ACCSL: variants seen among roughly 807,000 people sequenced by gnomAD.
The protein encoded by ACCSL is probable inactive 1-aminocyclopropane-1-carboxylate synthase-like protein 2.
A neutral mutation model predicts 61.7 loss-of-function variants in ACCSL; 55 were observed. That is an observed-to-expected ratio of 0.89 (90% CI 0.72 to 1.12). The LOEUF (loss-of-function observed/expected upper bound fraction) is 1.12. ACCSL is among the 50% of genes most tolerant of loss of function. The pLI is 0.00. For synonymous variants in ACCSL, 258 were observed against 264.3 expected, an observed-to-expected ratio of 0.98 and a Z score of 0.23; for missense variants, 632 against 698.0, an observed-to-expected ratio of 0.91 and a Z score of 1.07.
chr11:44,017,466 CT>C, the ACCSL span, among the ~76,000 whole-genome samples: 1 of 152,214 alleles, frequency 6.6e-6, no homozygotes, highest in African/African-American at 2.4e-5. Flanking sequence ...GGAATGATGT[CT>C]GCCAGGTCTG....
chr11:44,037,987 A>T, the ACCSL span, among the ~76,000 whole-genome samples: 1 of 152,190 alleles, frequency 6.6e-6, no homozygotes, highest in African/African-American at 2.4e-5. Context: ...CGTTTGAGAA[A>T]TATCAGTAAA....
chr11:43,981,122 C>T, the ACCSL span, among the ~76,000 whole-genome samples: 3 of 127,994 alleles, frequency 2.3e-5, no homozygotes, highest in Admixed American at 7.8e-5. Flanking sequence ...CAAACAAAAA[C>T]CAGTACAGAT....
the ACCSL span, among the ~76,000 whole-genome samples, chr11:44,038,391 G>T: frequency 6.6e-6 from 1 of 152,308 alleles, no homozygotes; most frequent in African/African-American, 2.4e-5. Context: ...CATAGGCATG[G>T]GTCCCTTTAT....
chr11:44,021,742 T>G, the ACCSL span, among the ~76,000 whole-genome samples: 25 of 152,240 alleles, frequency 1.6e-4, no homozygotes, highest in African/African-American at 2.4e-5. Context: ...AGAATTTTTA[T>G]GGTTTCAGGT....
At chr11:43,923,182 C>T in the ACCSL span, among the ~76,000 whole-genome samples, 133 of 152,242 alleles carry the variant, frequency 8.7e-4, no homozygotes, top group Non-Finnish European at 1.6e-3. Flanking sequence ...GTTAAGTAGG[C>T]CCTGCAGTGC....
the ACCSL span, among the ~76,000 whole-genome samples, chr11:44,015,712 T>G: frequency 6.6e-6 from 1 of 152,314 alleles, no homozygotes; most frequent in Non-Finnish European, 1.5e-5. Context: ...ACATTGGAGC[T>G]AATTCCCAGC....
At chr11:44,028,633 C>T in the ACCSL span, among the ~76,000 whole-genome samples, 197 of 152,260 alleles carry the variant, frequency 1.3e-3, 2 homozygotes, top group African/African-American at 4.5e-3. Context: ...ACAGGGAGCC[C>T]TTACCCAGGG....
At chr11:43,926,589 A>G in the ACCSL span, 2 of 409,354 alleles carry the variant, frequency 4.9e-6, no homozygotes, top group East Asian at 1.5e-4. Flanking sequence ...CTTCCATTAC[A>G]GATAGAAGTA....
chr11:43,969,196 A>G, the ACCSL span, among the ~76,000 whole-genome samples: 2 of 152,004 alleles, frequency 1.3e-5, no homozygotes, highest in Non-Finnish European at 2.9e-5. Context: ...CAAAAAAACA[A>G]AAACAAAAAC....
the ACCSL span, among the ~76,000 whole-genome samples, chr11:44,009,251 G>A: frequency 2.0e-5 from 3 of 152,110 alleles, no homozygotes; most frequent in East Asian, 3.9e-4. Context: ...GAGCGATTGC[G>A]GTATCAGGGT....
chr11:43,931,570 C>T, the ACCSL span, among the ~76,000 whole-genome samples: 1 of 152,316 alleles, frequency 6.6e-6, no homozygotes, highest in African/African-American at 2.4e-5. Context: ...TTCTGCCTGG[C>T]TGTGTGGCCT....
the ACCSL span, among the ~76,000 whole-genome samples, chr11:43,983,902 G>T: frequency 6.6e-6 from 1 of 152,092 alleles, no homozygotes; most frequent in African/African-American, 2.4e-5. Context: ...GATCACTTGA[G>T]GTCAGGAGTT....
chr11:43,975,117 C>T, the ACCSL span, among the ~76,000 whole-genome samples: 1 of 152,022 alleles, frequency 6.6e-6, no homozygotes, highest in Non-Finnish European at 1.5e-5. Context: ...GTGTTAGTGA[C>T]AATCTAAATG....
the ACCSL span, among the ~76,000 whole-genome samples, chr11:43,968,434 G>T: frequency 6.8e-6 from 1 of 147,904 alleles, no homozygotes; most frequent in Admixed American, 6.9e-5. Flanking sequence ...CTTTGCTTTT[G>T]CCCGTCTTTA....
At chr11:44,054,207 A>G (rs1479434112) in intron 8 of ACCSL, among the ~76,000 whole-genome samples, 1 of 152,216 alleles carries the variant, frequency 6.6e-6, no homozygotes. Flanking sequence ...AGAACTTCAC[A>G]TTCCTTTCTA....
the ACCSL span, among the ~76,000 whole-genome samples, chr11:43,926,003 T>G: frequency 1.3e-5 from 2 of 152,212 alleles, no homozygotes; most frequent in African/African-American, 4.8e-5. Flanking sequence ...CGGATGGCCC[T>G]GTGACCCTGC....
At chr11:43,959,556 G>C in the ACCSL span, among the ~76,000 whole-genome samples, 155 of 152,340 alleles carry the variant, frequency 1.0e-3, 4 homozygotes, top group South Asian at 0.03. Context: ...GGGATGGGGA[G>C]TGATGCAAGA....
chr11:44,028,583 A>C, the ACCSL span, among the ~76,000 whole-genome samples: 1 of 152,190 alleles, frequency 6.6e-6, no homozygotes, highest in Non-Finnish European at 1.5e-5. Flanking sequence ...AGCATCCTCT[A>C]GTCATCCCTG....
chr11:43,924,809 G>A, the ACCSL span, among the ~76,000 whole-genome samples: 17 of 152,348 alleles, frequency 1.1e-4, no homozygotes, highest in South Asian at 2.1e-4. Flanking sequence ...CACCAAAGGC[G>A]GATTCTGCAA....
Sources: gnomAD v4.1 joint callset for allele counts (sites outside exome capture counted in the v4.1 genomes callset) on GRCh38, gnomAD v4.1.1 for gene constraint, MANE v1.5 for transcripts, NCBI Gene and HGNC (gene_info 2026-07-23, HGNC 2026-07-21) for gene names.